PHKG1: variants seen among roughly 807,000 people sequenced by gnomAD.
PHKG1 encodes phosphorylase kinase catalytic subunit gamma 1, also known as phosphorylase b kinase gamma catalytic chain, skeletal muscle/heart isoform.
Under a neutral mutation model 50.5 loss-of-function variants are expected in PHKG1, and 48 were observed. The ratio of observed to expected loss-of-function variants is 0.95; its 90% confidence interval spans 0.75 to 1.21. PHKG1 has a LOEUF of 1.21. Among genes scored for constraint, PHKG1 ranks in the 50% most tolerant of loss-of-function variants. The pLI is 0.00. For missense variants in PHKG1, 487 were observed against 519.5 expected (o/e 0.94, Z 0.61); for synonymous variants, 204 against 212.8 (o/e 0.96, Z 0.36).
chr7:56,087,133 G>A, intron 3 of PHKG1, 109 bp from the exon 4 acceptor site: 1 of 805,640 alleles, frequency 1.2e-6, no homozygotes, highest in South Asian at 1.4e-5. Flanking sequence ...TTCAAAAGCT[G>A]ACAGGGGAAT....
At chr7:56,084,228 T>A in intron 4 of PHKG1, 1 of 1,529,986 alleles carries the variant, frequency 6.5e-7, no homozygotes. Flanking sequence ...ATCTCCATTG[T>A]ATCAGTGTCT....
Position 56,087,000 on chromosome 7 carries a change from G to A in PHKG1, c.287C>T (p.Thr96Ile). The A allele has an allele frequency of 6.2e-7, 1 of 1,613,330 alleles. No homozygotes were observed. The highest frequency in any genetic ancestry group is 1.7e-5 in the Admixed American group (1 of 59,946). The change falls in exon 4 of 10, where the codon ACC (threonine) becomes ATC (isoleucine). Residue 96 changes from threonine (T) to isoleucine (I), a missense_variant. Transcript: ENST00000297373. The part of the protein sequence containing the change: ...NIIQLKDTYE[T>I]NTFFFLVFDL... ...AAACACCAAGAAGAAGAAAGTGTTG[G>A]TCTCATAAGTGTCCTTCAGCTGTAC... is the stretch of plus-strand genomic sequence containing the variant.
intron 2 of PHKG1, among the ~76,000 whole-genome samples, chr7:56,088,023 G>T: frequency 7.8e-6 from 1 of 128,740 alleles, no homozygotes. Context: ...TCCTTTTTGA[G>T]CCGTTCAGTG....
At chr7:56,083,758 AC>A in intron 4 of PHKG1, 43 bp from the exon 5 acceptor site, 2 of 1,336,106 alleles carry the variant, frequency 1.5e-6, no homozygotes, top group Non-Finnish European at 2.1e-6. Context: ...TCCCAAGACC[AC>A]CACTGCCCTT....
Position 56,080,959 on chromosome 7 carries a change from C to T in PHKG1, c.*95G>A. On this transcript the variant is annotated 3_prime_UTR_variant, in exon 10 of 10. Coordinates refer to ENST00000297373, the MANE Select transcript of PHKG1 (RefSeq NM_006213.5). Reference sequence around the variant, plus strand: ...TCCTGGCCAGGGCCAAGTGCTCCTTCTGCAGAGGCCTGCACGCATCTCACC... The same window carrying T: ...TCCTGGCCAGGGCCAAGTGCTCCTTTTGCAGAGGCCTGCACGCATCTCACC... The T allele has an allele frequency of 7.0e-7, 1 of 1,430,828 alleles. No homozygotes were observed. The highest frequency in any genetic ancestry group is 9.5e-7 in the Non-Finnish European group (1 of 1,053,838). 88.6% of individuals were successfully genotyped at this position (1,430,828 alleles called of 1,614,324 possible). A position where few individuals can be genotyped will look rare whatever the true frequency, so the allele number is the denominator to read the frequency against.
Position 56,088,966 on chromosome 7 carries a change from C to G in PHKG1, c.-25G>C, listed in dbSNP as rs756380774. Reference sequence around the variant, plus strand: ...TGCTCAGATCTTCAGTGAGGGAACTCTGGGTGGCTCTGAGAGGGGAAAAGA... The same window carrying G: ...TGCTCAGATCTTCAGTGAGGGAACTGTGGGTGGCTCTGAGAGGGGAAAAGA... On this transcript the variant is annotated 5_prime_UTR_variant, in exon 2 of 10. Transcript: ENST00000297373. 9 of 1,546,038 alleles carry G rather than the reference C, an allele frequency of 5.8e-6. No homozygotes were observed. The East Asian group carries it at 1.3e-4, about 23-fold the overall frequency.
Position 56,080,563 on chromosome 7 carries a change from C to T in PHKG1, c.*491G>A, listed in dbSNP as rs1477990496. The T allele has an allele frequency of 1.2e-5, 2 of 169,556 alleles. No individual in the cohort carries two copies. Among genetic ancestry groups the T allele is most frequent in the Middle Eastern group, 2.8e-3 (1 of 362 alleles). The allele number at this position is 169,556 out of a possible 1,614,324, so 10.5% of individuals were successfully genotyped here. ...ACAGGTGTGAGCCACCTCGCCTGGGCCCCCTTCTCCATATGCCTCCAAAAA... is the reference window on the plus strand; with the variant it reads ...ACAGGTGTGAGCCACCTCGCCTGGGTCCCCTTCTCCATATGCCTCCAAAAA... On this transcript the variant is annotated 3_prime_UTR_variant, in exon 10 of 10. Transcript: ENST00000297373.
intron 6 of PHKG1, among the ~76,000 whole-genome samples, chr7:56,082,933 C>T (rs548097137): frequency 4.6e-5 from 7 of 152,158 alleles, no homozygotes; most frequent in African/African-American, 1.7e-4. Flanking sequence ...TGGTGAAACC[C>T]TGTCTCTACT....
chr7:56,083,619 G>A, intron 5 of PHKG1, 31 bp downstream of exon 5: 2 of 1,559,176 alleles, frequency 1.3e-6, no homozygotes, highest in South Asian at 2.3e-5. Context: ...CACGTGGGAG[G>A]GAGCGGAGAG....
At chr7:56,084,006 A>C in intron 4 of PHKG1, 1 of 617,408 alleles carries the variant, frequency 1.6e-6, no homozygotes, top group Non-Finnish European at 2.8e-6. Flanking sequence ...CCCCTGGAAA[A>C]ATTTTTCCCA....
intron 3 of PHKG1, among the ~76,000 whole-genome samples, 181 bp from the exon 4 acceptor site, chr7:56,087,205 TATTA>T (rs1796293105): frequency 6.9e-6 from 1 of 144,414 alleles, no homozygotes; most frequent in Non-Finnish European, 1.5e-5. Context: ...TTATTATTAT[TATTA>T]TTATTATTAT....
chr7:56,081,631 T>G lies in PHKG1; in HGVS notation c.917A>C (p.Lys306Thr). 4 of 1,613,568 alleles carry G rather than the reference T, an allele frequency of 2.5e-6. No individual in the cohort carries two copies. The highest frequency in any genetic ancestry group is 3.4e-6 in the Non-Finnish European group (4 of 1,179,970). Residue 306 changes from lysine (K) to threonine (T), a missense_variant and splice_region_variant, in exon 9 of 10, where the codon AAG becomes ACG. Coordinates refer to ENST00000297373, the MANE Select transcript of PHKG1 (RefSeq NM_006213.5). The surrounding 1 kb of genome is among the most constrained non-coding windows in gnomAD (Gnocchi z 4.6). ...VRHFSPRGKF[K>T]VIALTVLASV... ...GGCCTGGATCAGGACGCTTAGTACC[T>G]TGAACTTCCCCCGGGGGCTGAAGTG...
intron 6 of PHKG1, 161 bp downstream of exon 6, chr7:56,083,117 A>G (rs955754706): frequency 2.4e-5 from 16 of 653,648 alleles, no homozygotes; most frequent in Admixed American, 6.0e-5. Flanking sequence ...AAAAAAAAAA[A>G]AAAGAAAGAA....
chr7:56,087,823 G>A (rs749862990), intron 2 of PHKG1, 47 bp from the exon 3 acceptor site: 11 of 1,513,050 alleles, frequency 7.3e-6, no homozygotes, highest in Admixed American at 1.7e-5. Context: ...CTCACCCCAT[G>A]GGGGGTCCCA....
intron 1 of PHKG1, among the ~76,000 whole-genome samples, chr7:56,091,945 C>T (rs912440058): frequency 2.6e-5 from 4 of 152,250 alleles, no homozygotes; most frequent in African/African-American, 4.8e-5. Context: ...GCTGGTAAGT[C>T]CTAAGTCCTC....
In PHKG1 at chr7:56,080,463, T is replaced by C. The variant is rs771467159; in HGVS notation, c.*591A>G. On this transcript the variant is annotated 3_prime_UTR_variant, in exon 10 of 10. Coordinates refer to ENST00000297373, the MANE Select transcript of PHKG1 (RefSeq NM_006213.5). ...AATTTTTGTAGTGATGGGATCTCGC[T>C]CTGTTGCCCAGGGTGGTCTCGAACT... is the stretch of plus-strand genomic sequence containing the variant. The C allele has an allele frequency of 6.2e-5, 10 of 160,508 alleles. No individual in the cohort carries two copies. Among genetic ancestry groups the C allele is most frequent in the Non-Finnish European group, 1.1e-4 (8 of 73,628 alleles). The allele number at this position is 160,508 out of a possible 1,614,324, so 9.9% of individuals were successfully genotyped here. A position where few individuals can be genotyped will look rare whatever the true frequency, so the allele number is the denominator to read the frequency against.
At position 56,082,738 on chromosome 7, in the gene PHKG1, T is replaced by G. The variant is rs767252685; in HGVS notation, c.548-485A>C. 9.7e-4 allele frequency among the ~76,000 whole-genome samples: 147 copies of G among 152,182 alleles called. 2 individuals carry two copies. The highest frequency in any genetic ancestry group is 1.1e-3 in the Non-Finnish European group (78 of 68,026). On this transcript the variant is annotated intron_variant, in intron 6 of 9. Coordinates refer to ENST00000297373, the MANE Select transcript of PHKG1 (RefSeq NM_006213.5). Reference sequence around the variant, plus strand: ...ACAGGGCCACCAGCTCATGGCCCATTGCTTCCCTGGTCACTTCTAGCCATC... The same window carrying G: ...ACAGGGCCACCAGCTCATGGCCCATGGCTTCCCTGGTCACTTCTAGCCATC...
At chr7:56,091,858 C>G (rs1272297264) in intron 1 of PHKG1, among the ~76,000 whole-genome samples, 1 of 152,280 alleles carries the variant, frequency 6.6e-6, no homozygotes, top group Non-Finnish European at 1.5e-5. Flanking sequence ...TGCTCACACA[C>G]AGGCCTTCTC....
rs754396196 is a variant in PHKG1, at chr7:56,081,956, C to T, written c.729G>A (p.Met243Ile). ...GCGAGCCAAACTGGTAGTTGCCGCT[C>T]ATGATCATCCTCAGCATCAGCATCT... Reference protein sequence around the residue: ...RKQMLMLRMIMSGNYQFGSPE... With the variant: ...RKQMLMLRMIISGNYQFGSPE... Residue 243 changes from methionine (M) to isoleucine (I), a missense_variant, in exon 8 of 10, where the codon ATG becomes ATA. Physicochemically the swap from Met to Ile is conservative, Grantham distance 10. Coordinates refer to ENST00000297373, the MANE Select transcript of PHKG1 (RefSeq NM_006213.5). The surrounding 1 kb of genome is among the most constrained non-coding windows in gnomAD (Gnocchi z 4.6). The T allele has an allele frequency of 4.3e-5, 70 of 1,613,810 alleles. No homozygotes were observed. The highest frequency in any genetic ancestry group is 5.8e-5 in the Non-Finnish European group (69 of 1,180,032).
Sources: gnomAD v4.1 joint callset for allele counts (sites outside exome capture counted in the v4.1 genomes callset) on GRCh38, gnomAD v4.1.1 for gene constraint, Gnocchi (gnomAD v3.1) non-coding constraint, MANE v1.5 for transcripts, NCBI Gene and HGNC (gene_info 2026-07-23, HGNC 2026-07-21) for gene names.